The following FRMD4B variants were observed in gnomAD, a reference collection of about 807,000 sequenced individuals.
FRMD4B encodes the protein FERM domain containing 4B.
FRMD4B carries 74 observed loss-of-function variants against 141.5 expected under a neutral mutation model. The ratio of observed to expected loss-of-function variants is 0.52; its 90% confidence interval spans 0.43 to 0.63. The LOEUF is 0.63. FRMD4B is among the 30% of genes least tolerant of loss of function. The pLI is 0.00. For synonymous variants in FRMD4B, 506 were observed against 467.9 expected (o/e 1.08, Z -1.05); for missense variants, 1,366 against 1,253.4 (o/e 1.09, Z -1.36).
At chr3:69,217,904 C>A (rs1333048030) in intron 10 of FRMD4B, among the ~76,000 whole-genome samples, 1 of 152,174 alleles carries the variant, frequency 6.6e-6, no homozygotes, top group African/African-American at 2.4e-5. Flanking sequence ...CAATCTCTCC[C>A]TGCTTATAAA....
chr3:69,511,699 C>G (rs1295341849), intron 1 of FRMD4B, among the ~76,000 whole-genome samples: 1 of 152,214 alleles, frequency 6.6e-6, no homozygotes, highest in Non-Finnish European at 1.5e-5. Flanking sequence ...GTTCTTAGAG[C>G]TGAGTAGAGT....
intron 5 of FRMD4B, among the ~76,000 whole-genome samples, chr3:69,263,443 C>T (rs1362181474): frequency 8.3e-6 from 1 of 120,076 alleles, no homozygotes; most frequent in East Asian, 2.6e-4. Context: ...TGCTCTCTTG[C>T]TCTGTCACCC....
chr3:69,317,191 A>T (rs1313883394), intron 1 of FRMD4B, among the ~76,000 whole-genome samples: 2 of 152,198 alleles, frequency 1.3e-5, no homozygotes, highest in East Asian at 3.9e-4. Context: ...TCAACTGTAG[A>T]TATCTTTTTG....
chr3:69,367,129 T>G (rs1384165394), intron 1 of FRMD4B, among the ~76,000 whole-genome samples: 1 of 152,230 alleles, frequency 6.6e-6, no homozygotes, highest in African/African-American at 2.4e-5. Context: ...CTTCTGGCAC[T>G]GTGTGAATGG....
chr3:69,464,988 C>T (rs1705759453), intron 1 of FRMD4B, among the ~76,000 whole-genome samples: 1 of 152,140 alleles, frequency 6.6e-6, no homozygotes, highest in Admixed American at 6.6e-5. Context: ...GACATATCAA[C>T]CAATCCCCAA....
intron 2 of FRMD4B, among the ~76,000 whole-genome samples, chr3:69,398,815 C>A (rs1159472012): frequency 6.6e-6 from 1 of 152,170 alleles, no homozygotes; most frequent in Non-Finnish European, 1.5e-5. Flanking sequence ...CCATTCTGCC[C>A]TTTTCCCCTG....
At chr3:69,349,455 C>A (rs1483551351) in intron 1 of FRMD4B, among the ~76,000 whole-genome samples, 1 of 152,024 alleles carries the variant, frequency 6.6e-6, no homozygotes, top group African/African-American at 2.4e-5. Flanking sequence ...ACTTTCTTCA[C>A]AGAATTGGAA....
intron 5 of FRMD4B, 109 bp from the exon 6 acceptor site, chr3:69,250,208 C>G: frequency 1.3e-6 from 1 of 799,438 alleles, no homozygotes; most frequent in Non-Finnish European, 2.3e-6. Context: ...AGTTTACGAT[C>G]AAATGCAGAT....
At chr3:69,174,275 T>G (rs1028124096) in intron 22 of FRMD4B, among the ~76,000 whole-genome samples, 2 of 152,160 alleles carry the variant, frequency 1.3e-5, no homozygotes, top group African/African-American at 4.8e-5. Flanking sequence ...ATCATATTGG[T>G]CATATAAAAT....
At chr3:69,342,748 A>G (rs1180365741) in intron 1 of FRMD4B, among the ~76,000 whole-genome samples, 5 of 152,172 alleles carry the variant, frequency 3.3e-5, no homozygotes, top group African/African-American at 1.2e-4. Flanking sequence ...TCAAACATTT[A>G]TCATTTCTTT....
At chr3:69,540,658 T>C (rs13321312) in intron 1 of FRMD4B, among the ~76,000 whole-genome samples, 15,572 of 75,486 alleles carry the variant, frequency 0.21, 1,758 homozygotes, top group East Asian at 0.66. Context: ...TATATATATA[T>C]ATACACACAC....
intron 2 of FRMD4B, among the ~76,000 whole-genome samples, chr3:69,399,778 C>A (rs1029497685): frequency 6.6e-6 from 1 of 152,172 alleles, no homozygotes; most frequent in Non-Finnish European, 1.5e-5. Context: ...GCCGCTTAAA[C>A]TTCCCTTCTC....
chr3:69,264,860 C>G (rs77768984), intron 5 of FRMD4B, among the ~76,000 whole-genome samples: 1 of 152,008 alleles, frequency 6.6e-6, no homozygotes, highest in Non-Finnish European at 1.5e-5. Context: ...CTGGGCAGAC[C>G]GCTTCTCAGA....
intron 11 of FRMD4B, among the ~76,000 whole-genome samples, chr3:69,213,368 G>T (rs1439734935): frequency 9.0e-6 from 1 of 110,690 alleles, no homozygotes; most frequent in Non-Finnish European, 1.8e-5. Flanking sequence ...CTTACTCTGG[G>T]TAAAAAAAAA....
At chr3:69,531,424 T>C (rs367765862) in intron 1 of FRMD4B, among the ~76,000 whole-genome samples, 22 of 152,170 alleles carry the variant, frequency 1.4e-4, no homozygotes, top group African/African-American at 5.3e-4. Flanking sequence ...CCATGTGCCA[T>C]GTTTTCATCA....
intron 8 of FRMD4B, among the ~76,000 whole-genome samples, chr3:69,222,752 C>T (rs932575020): frequency 2.0e-5 from 3 of 150,906 alleles, no homozygotes; most frequent in African/African-American, 7.3e-5. Context: ...GCCTGGGCAA[C>T]AAGAGCAAAA....
intron 7 of FRMD4B, among the ~76,000 whole-genome samples, chr3:69,229,979 C>CTT (rs553802460): frequency 2.8e-5 from 4 of 142,954 alleles, no homozygotes; most frequent in Non-Finnish European, 6.2e-5. Flanking sequence ...GACTATCAAA[C>CTT]TTTTTTTTTT....
chr3:69,521,591 G>C (rs1200256297), intron 1 of FRMD4B, among the ~76,000 whole-genome samples: 1 of 152,092 alleles, frequency 6.6e-6, no homozygotes, highest in Non-Finnish European at 1.5e-5. Context: ...ATTGTACTTA[G>C]AACAAAATAC....
rs574245112 is a variant in FRMD4B at position 69,326,424 on chromosome 3, A to G, written c.163-12907T>C. On this transcript the variant is annotated intron_variant, in intron 1 of 22. Coordinates refer to ENST00000398540, the MANE Select transcript of FRMD4B (RefSeq NM_015123.3). The stretch of plus-strand genomic sequence containing the variant: ...ACAACCACCATTTTTAGCTGTCCAT[A>G]TGTCCAAATCTGGGGAAGGAAGGTG... 3.3e-5 allele frequency among the ~76,000 whole-genome samples: 5 copies of G among 152,318 alleles called. No homozygotes were observed. In the South Asian group the frequency reaches 1.0e-3, roughly 32 times the overall value.
Sources: gnomAD v4.1 joint callset for allele counts (sites outside exome capture counted in the v4.1 genomes callset) on GRCh38, gnomAD v4.1.1 for gene constraint, MANE v1.5 for transcripts, NCBI Gene and HGNC (gene_info 2026-07-23, HGNC 2026-07-21) for gene names.